Variants in ZNF680 observed in about 807,000 individuals in gnomAD.
ZNF680 encodes zinc finger protein 680.
A neutral mutation model predicts 12.1 loss-of-function variants in ZNF680; 6 were observed. The ratio of observed to expected loss-of-function variants is 0.49; its 90% CI spans 0.27 to 0.98. ZNF680 has a LOEUF of 0.98. ZNF680 is among the 50% of genes least tolerant of loss of function. The pLI is 0.12. For missense variants in ZNF680, 561 were observed against 616.3 expected, an observed-to-expected ratio of 0.91 and a Z score of 0.95; for synonymous variants, 170 against 199.3, an observed-to-expected ratio of 0.85 and a Z score of 1.24.
chr7:64,554,235 C>CCGT (rs1787266871), intron 1 of ZNF680, among the ~76,000 whole-genome samples: 1 of 132,426 alleles, frequency 7.6e-6, no homozygotes, highest in Non-Finnish European at 1.6e-5. Context: ...TGCCCGGCCG[C>CCGT]GACCCCGTCT....
At chr7:64,499,778 G>A in the ZNF680 span, among the ~76,000 whole-genome samples, 1 of 152,068 alleles carries the variant, frequency 6.6e-6, no homozygotes, top group Admixed American at 6.6e-5. Context: ...AGCCAGCTCG[G>A]GCACAGAGGG....
intron 3 of ZNF680, among the ~76,000 whole-genome samples, chr7:64,527,585 C>G (rs1270972084): frequency 6.6e-6 from 1 of 151,970 alleles, no homozygotes; most frequent in Non-Finnish European, 1.5e-5. Context: ...ATCCCAGCTA[C>G]CAGGGCAGCT....
the ZNF680 span, among the ~76,000 whole-genome samples, chr7:64,507,839 AC>A: frequency 7.5e-5 from 1 of 13,414 alleles, no homozygotes; most frequent in Non-Finnish European, 1.9e-4. Context: ...ACACACACAC[AC>A]ACACACACAC....
intron 1 of ZNF680, 146 bp from the exon 2 acceptor site, chr7:64,544,578 C>T (rs1786684802): frequency 7.4e-7 from 1 of 1,347,980 alleles, no homozygotes; most frequent in Admixed American, 3.1e-5. Flanking sequence ...TCAAATTATA[C>T]AATAAAATAA....
At chr7:64,506,082 A>G in the ZNF680 span, among the ~76,000 whole-genome samples, 2 of 151,918 alleles carry the variant, frequency 1.3e-5, no homozygotes, top group East Asian at 3.9e-4. Context: ...CAGTTTTTTT[A>G]CACTCAAGAG....
At chr7:64,540,795 T>A (rs1187823958) in intron 3 of ZNF680, among the ~76,000 whole-genome samples, 1 of 152,226 alleles carries the variant, frequency 6.6e-6, no homozygotes, top group Non-Finnish European at 1.5e-5. Flanking sequence ...GCAATATTTA[T>A]GTGCCATTAA....
At chr7:64,515,427 T>C (rs999169820), downstream of ZNF680, among the ~76,000 whole-genome samples, 2 of 152,002 alleles carry the variant, frequency 1.3e-5, no homozygotes, top group African/African-American at 4.8e-5. Context: ...CTAATCTCTA[T>C]AAAAATAGTT....
chr7:64,549,143 A>G (rs929647792), intron 1 of ZNF680, among the ~76,000 whole-genome samples: 1 of 151,766 alleles, frequency 6.6e-6, no homozygotes, highest in Non-Finnish European at 1.5e-5. Flanking sequence ...AAAAAAAAAA[A>G]CAATGAAACT....
At chr7:64,512,377 C>T in the ZNF680 span, among the ~76,000 whole-genome samples, 3 of 148,266 alleles carry the variant, frequency 2.0e-5, no homozygotes, top group East Asian at 2.0e-4. Flanking sequence ...CGTTTGAACC[C>T]GGGAGGCAGA....
At chr7:64,519,263 G>A (rs1791418626), downstream of ZNF680, among the ~76,000 whole-genome samples, 1 of 151,866 alleles carries the variant, frequency 6.6e-6, no homozygotes, top group African/African-American at 2.4e-5. Context: ...AATTATCAGA[G>A]TAATGCAAAT....
intron 3 of ZNF680, among the ~76,000 whole-genome samples, chr7:64,531,420 C>A (rs1352373616): frequency 1.3e-5 from 2 of 151,810 alleles, no homozygotes; most frequent in East Asian, 3.9e-4. Flanking sequence ...ATGGGGAAAC[C>A]CCGTCCCTAC....
In ZNF680 at chr7:64,523,006, T is replaced by G. The variant is rs561167675; in HGVS notation, c.254-506A>C. Among the ~76,000 whole-genome samples, 9 of 151,754 alleles carry G rather than the reference T, an allele frequency of 5.9e-5. 2 individuals carry two copies. The South Asian group carries it at 1.9e-3, about 31-fold the overall frequency. ...ATTGGCACTGCAAATTCCCTACATA[T>G]AAAAGATGCTGAAAGCAGTTTCTTC... On this transcript the variant is annotated intron_variant, in intron 3 of 3. Transcript: ENST00000309683.
At chr7:64,528,227 G>A (rs1020655591) in intron 3 of ZNF680, among the ~76,000 whole-genome samples, 3 of 152,218 alleles carry the variant, frequency 2.0e-5, no homozygotes, top group South Asian at 4.1e-4. Context: ...CCACAGGCAC[G>A]AGAAAAACAC....
intron 3 of ZNF680, among the ~76,000 whole-genome samples, chr7:64,530,256 A>T (rs1253219876): frequency 6.6e-6 from 1 of 152,178 alleles, no homozygotes; most frequent in Non-Finnish European, 1.5e-5. Context: ...AAAAGCAAAA[A>T]CAAAAAAACA....
chr7:64,520,193 T>C lies in ZNF680; in HGVS notation c.*968A>G, dbSNP rs992392081. ...AAAACCATAAATAATGCCCATCTAA[T>C]AAAAAAGAATCTCTCCTATATCTGA... On this transcript the variant is annotated 3_prime_UTR_variant, in exon 4 of 4. Transcript: ENST00000309683. 1.3e-5 allele frequency: 2 copies of C among 151,646 alleles called. No homozygotes were observed. The highest frequency in any genetic ancestry group is 4.8e-5 in the African/African-American group (2 of 41,366). 9.4% of individuals were successfully genotyped at this position (151,646 alleles called of 1,614,324 possible).
the ZNF680 span, among the ~76,000 whole-genome samples, chr7:64,509,904 A>G: frequency 6.6e-6 from 1 of 151,982 alleles, no homozygotes; most frequent in Non-Finnish European, 1.5e-5. Context: ...AAAGGGAGAA[A>G]AGGAACTAAG....
intron 1 of ZNF680, among the ~76,000 whole-genome samples, chr7:64,547,894 T>C (rs1180029642): frequency 6.6e-6 from 1 of 152,196 alleles, no homozygotes; most frequent in African/African-American, 2.4e-5. Context: ...CAAAGAATTA[T>C]GGGCACCAGT....
intron 3 of ZNF680, among the ~76,000 whole-genome samples, chr7:64,530,563 A>G (rs975325022): frequency 2.0e-5 from 3 of 152,186 alleles, no homozygotes; most frequent in African/African-American, 7.2e-5. Flanking sequence ...TTAAAAAGAC[A>G]AAGAGGGACA....
intron 1 of ZNF680, among the ~76,000 whole-genome samples, chr7:64,554,242 G>A (rs1562775019): frequency 2.1e-5 from 3 of 145,920 alleles, no homozygotes; most frequent in African/African-American, 2.6e-5. Context: ...CCGCGACCCC[G>A]TCTGGGAACT....
Sources: gnomAD v4.1 joint callset for allele counts (sites outside exome capture counted in the v4.1 genomes callset) on GRCh38, gnomAD v4.1.1 for gene constraint, MANE v1.5 for transcripts, NCBI Gene and HGNC (gene_info 2026-07-23, HGNC 2026-07-21) for gene names.